ATRNL1: variants seen among roughly 807,000 people sequenced by gnomAD.
ATRNL1 encodes the protein attractin-like protein 1.
Under a neutral mutation model 182.7 loss-of-function variants are expected in ATRNL1, and 95 were observed. That is an observed-to-expected ratio of 0.52 (90% CI 0.44 to 0.62). The LOEUF is 0.62. ATRNL1 is among the 20% of genes least tolerant of loss of function. The pLI is 0.00. For missense variants in ATRNL1, 1,471 were observed against 1,679.5 expected (o/e 0.88, Z 2.17); for synonymous variants, 576 against 568.3 (o/e 1.01, Z -0.19).
intron 19 of ATRNL1, among the ~76,000 whole-genome samples, chr10:115,385,944 A>C (rs1371849593): frequency 6.6e-6 from 1 of 152,148 alleles, no homozygotes; most frequent in Non-Finnish European, 1.5e-5. Flanking sequence ...GTCATTACCA[A>C]ACTTTCTTAA....
chr10:115,300,136 G>A lies in ATRNL1; in HGVS notation c.2518G>A (p.Glu840Lys), dbSNP rs782371059. 6.2e-6 allele frequency: 10 copies of A among 1,613,824 alleles called. No individual in the cohort carries two copies. The South Asian group carries it at 6.6e-5, about 11-fold the overall frequency. The change falls in exon 16 of 29, where the codon GAA becomes AAA. Residue 840 changes from glutamate (E) to lysine (K), a missense_variant. Glu to Lys is a moderately conservative substitution (Grantham distance 56). Around this residue, in one of 3 missense-constraint regions of ATRNL1, gnomAD observed 1,031 missense variants for 1,156.0 expected, o/e 0.89. Coordinates refer to ENST00000355044, the MANE Select transcript of ATRNL1 (RefSeq NM_207303.4). ...TNTTLQWLPG[E>K]PNDSGFCAYL... ...CACAACACTACAGTGGCTTCCTGGC[G>A]AACCCAATGATTCTGGGTTTTGTGC...
chr10:115,270,121 A>G (rs956140951), intron 13 of ATRNL1, among the ~76,000 whole-genome samples: 1 of 151,140 alleles, frequency 6.6e-6, no homozygotes, highest in Non-Finnish European at 1.5e-5. Context: ...GAGTTATTTT[A>G]GTAGAAGTCG....
At chr10:115,710,310 G>A (rs573656415) in intron 26 of ATRNL1, among the ~76,000 whole-genome samples, 2 of 152,094 alleles carry the variant, frequency 1.3e-5, no homozygotes, top group African/African-American at 4.8e-5. Flanking sequence ...ATAGAAAAGG[G>A]GTACATGAAT....
chr10:115,552,868 T>A (rs1403115781), intron 26 of ATRNL1, among the ~76,000 whole-genome samples: 1 of 151,270 alleles, frequency 6.6e-6, no homozygotes, highest in Non-Finnish European at 1.5e-5. Context: ...AAACAATAAG[T>A]GTATATTGAT....
Position 115,536,851 on chromosome 10 carries a change from A to G in ATRNL1, c.3717-12607A>G, listed in dbSNP as rs1337366981. On this transcript the variant is annotated intron_variant, in intron 25 of 28. Transcript: ENST00000355044. ...GTAACTCCCTGAAGAAAAAAGGTGA[A>G]CCTAATTTAGTCACAGGATCTCTAC... 2.0e-5 allele frequency among the ~76,000 whole-genome samples: 3 copies of G among 152,348 alleles called. No individual in the cohort carries two copies. The South Asian group carries it at 6.2e-4, about 32-fold the overall frequency.
chr10:115,366,780 C>G (rs1265122010), intron 19 of ATRNL1, among the ~76,000 whole-genome samples: 13 of 150,400 alleles, frequency 8.6e-5, no homozygotes, highest in Non-Finnish European at 1.6e-4. Flanking sequence ...ACTTATGAAG[C>G]TTAGTTTGGC....
intron 10 of ATRNL1, 82 bp downstream of exon 10, chr10:115,241,807 C>T: frequency 8.5e-7 from 1 of 1,175,970 alleles, no homozygotes; most frequent in African/African-American, 1.5e-5. Context: ...TAATTGATAG[C>T]ATGTGTATAT....
chr10:115,530,842 T>C (rs1415380359), intron 25 of ATRNL1, among the ~76,000 whole-genome samples: 1 of 139,462 alleles, frequency 7.2e-6, no homozygotes, highest in Admixed American at 7.8e-5. Context: ...TGTGTTCTCA[T>C]TGTTCAATTC....
chr10:115,181,761 A>T (rs1847755434), intron 8 of ATRNL1, among the ~76,000 whole-genome samples: 1 of 151,756 alleles, frequency 6.6e-6, no homozygotes, highest in African/African-American at 2.4e-5. Flanking sequence ...TGCCCGAAGT[A>T]TTTTATTACC....
At chr10:115,159,099 T>G (rs1286574579) in intron 5 of ATRNL1, among the ~76,000 whole-genome samples, 1 of 151,686 alleles carries the variant, frequency 6.6e-6, no homozygotes, top group Non-Finnish European at 1.5e-5. Flanking sequence ...TTGGGACCCA[T>G]TATTTTAAAC....
chr10:115,111,037 T>C (rs1367746436), intron 1 of ATRNL1, among the ~76,000 whole-genome samples: 1 of 152,182 alleles, frequency 6.6e-6, no homozygotes, highest in Non-Finnish European at 1.5e-5. Context: ...AGTCTACCAT[T>C]TGAGCCAAAA....
intron 26 of ATRNL1, among the ~76,000 whole-genome samples, chr10:115,636,985 T>TA (rs1300432986): frequency 6.6e-6 from 1 of 151,994 alleles, no homozygotes; most frequent in Admixed American, 6.6e-5. Flanking sequence ...AACAGGACGA[T>TA]AAAAAAAGAA....
chr10:115,126,172 C>T (rs531476723), intron 3 of ATRNL1, among the ~76,000 whole-genome samples: 29 of 152,304 alleles, frequency 1.9e-4, no homozygotes, highest in African/African-American at 7.0e-4. Context: ...ATTCTCCTGC[C>T]TCAGCCTCCC....
At chr10:115,587,270 G>C (rs1267303112) in intron 26 of ATRNL1, among the ~76,000 whole-genome samples, 1 of 152,148 alleles carries the variant, frequency 6.6e-6, no homozygotes, top group African/African-American at 2.4e-5. Context: ...CTTGAGCTGT[G>C]GTGGGCTCCA....
At chr10:115,159,981 T>C in intron 5 of ATRNL1, 59 bp from the exon 6 acceptor site, 1 of 1,292,684 alleles carries the variant, frequency 7.7e-7, no homozygotes, top group Non-Finnish European at 1.1e-6. Flanking sequence ...ATATGTTGTA[T>C]TTCTATAATC....
In ATRNL1 at chr10:115,286,313, T is replaced by C. The variant is rs1306773184; in HGVS notation, c.2331T>C (p.Tyr777=). 1 of 1,605,852 alleles carries C rather than the reference T, an allele frequency of 6.2e-7. No homozygotes were observed. Among genetic ancestry groups the C allele is most frequent in the South Asian group, 1.1e-5 (1 of 90,650 alleles). The part of the protein sequence containing the change: ...ENYDNAKLYC[Y]NLSGNLASLT... ...ATGACAATGCAAAACTTTATTGCTA[T>C]AATCTTAGTGGAAATCTTGCTTCAT... The change falls in exon 15 of 29, where the codon TAT becomes TAC. Residue 777 remains tyrosine, a synonymous_variant. Transcript: ENST00000355044.
intron 28 of ATRNL1, among the ~76,000 whole-genome samples, chr10:115,868,819 A>ATTCTTTTTTTT (rs1951500532): frequency 1.0e-5 from 1 of 98,286 alleles, no homozygotes; most frequent in Non-Finnish European, 2.1e-5. Context: ...GCAAGTCTTT[A>ATTCTTTTTTTT]TTCTTTTTTT....
At chr10:115,253,019 C>T (rs1288353924) in intron 10 of ATRNL1, among the ~76,000 whole-genome samples, 1 of 152,160 alleles carries the variant, frequency 6.6e-6, no homozygotes, top group Non-Finnish European at 1.5e-5. Flanking sequence ...AATGTATGAT[C>T]CAGCTCTCAA....
intron 8 of ATRNL1, among the ~76,000 whole-genome samples, chr10:115,213,869 G>A (rs554173467): frequency 6.6e-5 from 10 of 151,972 alleles, no homozygotes; most frequent in Non-Finnish European, 1.3e-4. Flanking sequence ...GTTTCTAAGG[G>A]CAAATTGAAA....
Sources: gnomAD v4.1 joint callset for allele counts (sites outside exome capture counted in the v4.1 genomes callset) on GRCh38, gnomAD v4.1.1 for gene constraint, gnomAD v4.1.1 regional missense constraint, MANE v1.5 for transcripts, NCBI Gene and HGNC (gene_info 2026-07-23, HGNC 2026-07-21) for gene names.